The following SNX24 variants were observed in gnomAD, a reference collection of about 807,000 sequenced individuals.
The protein encoded by SNX24 is sorting nexin-24.
A neutral mutation model predicts 28.7 loss-of-function variants in SNX24; 22 were observed. The ratio of observed to expected loss-of-function variants is 0.77; its 90% CI spans 0.55 to 1.10. SNX24 has a LOEUF of 1.10. Ranked by LOEUF, SNX24 falls within the 50% of genes least tolerant of loss-of-function variation. The probability of loss-of-function intolerance (pLI) is 0.00; values close to 1 mark genes in which losing one functional copy is unlikely to be tolerated. For missense variants in SNX24, 221 were observed against 201.1 expected, an observed-to-expected ratio of 1.10 and a Z score of -0.60; for synonymous variants, 69 against 71.5, an observed-to-expected ratio of 0.96 and a Z score of 0.18.
chr5:122,852,662 C>G (rs1561504366), intron 1 of SNX24, among the ~76,000 whole-genome samples: 1 of 152,160 alleles, frequency 6.6e-6, no homozygotes, highest in Non-Finnish European at 1.5e-5. Flanking sequence ...AGTAAGGACA[C>G]TTTTCTCCCT....
rs773193952 is a variant in SNX24, at chr5:123,000,023, C to T, written c.344+17C>T. 3 of 1,457,882 alleles carry T rather than the reference C, an allele frequency of 2.1e-6. No homozygotes were observed. The South Asian group carries it at 3.4e-5, about 17-fold the overall frequency. 90.3% of individuals were successfully genotyped at this position (1,457,882 alleles called of 1,614,324 possible). A position where few individuals can be genotyped will look rare whatever the true frequency, so the allele number is the denominator to read the frequency against. On this transcript the variant is annotated intron_variant, in intron 4 of 6. Transcript: ENST00000261369. ...AAGTTGTGGGTAAGAATCATGTTTG[C>T]ATATTGGATGTGTATTTTAAATTAC...
At chr5:122,921,890 A>G (rs1282851539) in intron 1 of SNX24, among the ~76,000 whole-genome samples, 1 of 152,240 alleles carries the variant, frequency 6.6e-6, no homozygotes, top group African/African-American at 2.4e-5. Context: ...CAGTCAAACA[A>G]ATTACGTGAT....
At chr5:122,852,132 A>ATATC (rs1561503429) in intron 1 of SNX24, among the ~76,000 whole-genome samples, 5 of 146,614 alleles carry the variant, frequency 3.4e-5, no homozygotes, top group African/African-American at 1.1e-4. Context: ...ATATCTATAT[A>ATATC]TATATGTATA....
intron 1 of SNX24, among the ~76,000 whole-genome samples, chr5:122,908,789 C>T (rs1757755594): frequency 6.6e-6 from 1 of 152,110 alleles, no homozygotes. Flanking sequence ...TTTCTATGTC[C>T]TGATAGGGGA....
At position 123,016,548 on chromosome 5, in the gene SNX24, G is replaced by T. The variant is rs568783617; in HGVS notation, n.384-12690G>T. ...TTTTAAAAGACTACTGCAGTTGCTT[G>T]TGAAGAGTGGACTGGACAGGCTCAG... On this transcript the variant is annotated intron_variant and non_coding_transcript_variant, in intron 5 of 5. Transcript: ENST00000502387. 7.9e-5 allele frequency among the ~76,000 whole-genome samples: 12 copies of T among 152,330 alleles called. No individual in the cohort carries two copies. The South Asian group carries it at 2.5e-3, about 32-fold the overall frequency.
chr5:123,013,113 C>T (rs2150185061), downstream of SNX24, among the ~76,000 whole-genome samples: 1 of 152,290 alleles, frequency 6.6e-6, no homozygotes, highest in South Asian at 2.1e-4. Context: ...CCTGAAGAAG[C>T]AGGAAGGACA....
chr5:122,854,694 A>G (rs780668009), intron 1 of SNX24, among the ~76,000 whole-genome samples: 143 of 152,274 alleles, frequency 9.4e-4, no homozygotes, highest in Non-Finnish European at 1.3e-3. Context: ...ACTTAATGAT[A>G]TATCCTGGAG....
At chr5:122,897,584 A>G (rs1757256171) in intron 1 of SNX24, among the ~76,000 whole-genome samples, 1 of 152,222 alleles carries the variant, frequency 6.6e-6, no homozygotes, top group Non-Finnish European at 1.5e-5. Context: ...TTATCACTCC[A>G]AATACTTATT....
At chr5:122,939,592 A>G (rs76958427) in intron 2 of SNX24, among the ~76,000 whole-genome samples, 4,296 of 152,260 alleles carry the variant, frequency 0.028, 75 homozygotes, top group Middle Eastern at 0.054. Flanking sequence ...TTCAGATTCT[A>G]TCTTAAAATT....
At chr5:122,924,766 A>G (rs1758605428) in intron 1 of SNX24, among the ~76,000 whole-genome samples, 1 of 152,130 alleles carries the variant, frequency 6.6e-6, no homozygotes, top group Non-Finnish European at 1.5e-5. Flanking sequence ...TGTTTTACGT[A>G]TGAGGAAACT....
intron 1 of SNX24, among the ~76,000 whole-genome samples, chr5:122,933,091 G>A (rs1211193359): frequency 1.3e-5 from 2 of 152,158 alleles, no homozygotes; most frequent in Non-Finnish European, 2.9e-5. Context: ...GTTCTGGCAT[G>A]TGGTTAAGTT....
chr5:122,927,019 G>A (rs370235166), intron 1 of SNX24, among the ~76,000 whole-genome samples: 2 of 152,200 alleles, frequency 1.3e-5, no homozygotes, highest in South Asian at 2.1e-4. Context: ...AATAGTTGTA[G>A]CAATGGTTAG....
intron 1 of SNX24, among the ~76,000 whole-genome samples, chr5:122,854,671 A>T (rs1303703381): frequency 6.6e-6 from 1 of 152,122 alleles, no homozygotes; most frequent in Non-Finnish European, 1.5e-5. Flanking sequence ...TTTTATTTCA[A>T]CTTGCTTTTT....
At position 123,008,341 on chromosome 5, in the gene SNX24, G is replaced by A; in HGVS notation, c.*592G>A. 6 of 973,460 alleles carry A rather than the reference G, an allele frequency of 6.2e-6. No individual in the cohort carries two copies. Among genetic ancestry groups the A allele is most frequent in the Non-Finnish European group, 7.3e-6 (6 of 819,064 alleles). The allele number at this position is 973,460 out of a possible 1,614,324, so 60.3% of individuals were successfully genotyped here. A position where few individuals can be genotyped will look rare whatever the true frequency, so the allele number is the denominator to read the frequency against. On this transcript the variant is annotated 3_prime_UTR_variant, in exon 7 of 7. Coordinates refer to ENST00000261369, the MANE Select transcript of SNX24 (RefSeq NM_014035.4). ...TCATGGCATTTTAATTTACATTAGA[G>A]TGGAGTTGCATCATACTCAGGGGTT...
intron 1 of SNX24, chr5:122,891,259 A>G: frequency 1.1e-6 from 1 of 936,468 alleles, no homozygotes; most frequent in South Asian, 3.4e-5. Context: ...ATATCAATGT[A>G]TTCTATTTTA....
intron 2 of SNX24, among the ~76,000 whole-genome samples, chr5:122,941,243 G>T (rs1290502478): frequency 6.6e-6 from 1 of 152,016 alleles, no homozygotes; most frequent in African/African-American, 2.4e-5. Flanking sequence ...CCATGTAAGC[G>T]AATACATTCA....
intron 3 of SNX24, among the ~76,000 whole-genome samples, chr5:122,951,944 G>A (rs553097186): frequency 1.3e-5 from 2 of 152,196 alleles, no homozygotes; most frequent in Non-Finnish European, 2.9e-5. Context: ...TTCCTCATCC[G>A]GAATGCCCCG....
chr5:123,014,333 A>ATTTTTTTTTTTTTTTTTTTTTT lies in SNX24; in HGVS notation n.383+12337_383+12358dup, dbSNP rs70988553. Among the ~76,000 whole-genome samples, 2 of 77,270 alleles carry ATTTTTTTTTTTTTTTTTTTTTT rather than the reference A, an allele frequency of 2.6e-5. 1 individual carries two copies. The allele number at this position is 77,270 out of a possible 152,430, so 50.7% of individuals were successfully genotyped here. A position where few individuals can be genotyped will look rare whatever the true frequency, so the allele number is the denominator to read the frequency against. On this transcript the variant is annotated intron_variant and non_coding_transcript_variant, in intron 5 of 5. Coordinates refer to the SNX24 transcript ENST00000502387. ...AGGCACACGCCACTGTGCCCAGCTGATTTTTTTTTTTTTTTTTTTTTTTTT... is the reference window on the plus strand; with the variant it reads ...AGGCACACGCCACTGTGCCCAGCTGATTTTTTTTTTTTTTTTTTTTTTTTTTTTTTTTTTTTTTTTTTTTTTT...
chr5:122,883,180 A>G (rs1232584992), intron 1 of SNX24, among the ~76,000 whole-genome samples: 5 of 152,200 alleles, frequency 3.3e-5, no homozygotes, highest in South Asian at 2.1e-4. Flanking sequence ...TACACGCAGA[A>G]TCTTATAGTA....
Sources: gnomAD v4.1 joint callset for allele counts (sites outside exome capture counted in the v4.1 genomes callset) on GRCh38, gnomAD v4.1.1 for gene constraint, MANE v1.5 for transcripts, NCBI Gene and HGNC (gene_info 2026-07-23, HGNC 2026-07-21) for gene names.